The following WWOX variants were observed in gnomAD, a reference collection of about 807,000 sequenced individuals.
The protein encoded by WWOX is WW domain-containing oxidoreductase.
WWOX carries 69 observed loss-of-function variants against 46.2 expected under a neutral mutation model. That is an observed-to-expected ratio of 1.49 (90% CI 1.23 to 1.82). WWOX has a LOEUF of 1.82. WWOX is among the 40% of genes most tolerant of loss of function. WWOX has a pLI of 0.00. For synonymous variants in WWOX, 359 were observed against 202.6 expected, an observed-to-expected ratio of 1.77 and a Z score of -6.56; for missense variants, 919 against 542.6, an observed-to-expected ratio of 1.69 and a Z score of -6.89.
chr16:78,997,852 T>G (rs1025355128), intron 8 of WWOX, among the ~76,000 whole-genome samples: 1 of 152,186 alleles, frequency 6.6e-6, no homozygotes, highest in African/African-American at 2.4e-5. Context: ...CTGAATGTTT[T>G]GCAGCCTAAT....
At chr16:78,348,723 G>A (rs1471259048) in intron 5 of WWOX, among the ~76,000 whole-genome samples, 1 of 121,360 alleles carries the variant, frequency 8.2e-6, no homozygotes, top group African/African-American at 2.8e-5. Flanking sequence ...CTCCCAAAGT[G>A]CTAGGATTAC....
intron 8 of WWOX, among the ~76,000 whole-genome samples, chr16:78,649,234 C>T (rs1408387518): frequency 1.3e-5 from 2 of 152,202 alleles, no homozygotes; most frequent in African/African-American, 4.8e-5. Flanking sequence ...ATCCAACCGC[C>T]TCGGACTTCC....
chr16:78,898,580 G>T (rs893271702), intron 8 of WWOX: 2 of 152,044 alleles, frequency 1.3e-5, no homozygotes, highest in African/African-American at 2.4e-5. Flanking sequence ...TTTCAAGATT[G>T]TTTGGGTTAG....
At chr16:78,368,493 C>T (rs1011619019) in intron 5 of WWOX, among the ~76,000 whole-genome samples, 2 of 152,130 alleles carry the variant, frequency 1.3e-5, no homozygotes, top group African/African-American at 4.8e-5. Context: ...AGCTCTGGGC[C>T]ACCCCATAAG....
At chr16:78,425,600 C>G (rs778842581) in intron 7 of WWOX, among the ~76,000 whole-genome samples, 3 of 152,044 alleles carry the variant, frequency 2.0e-5, no homozygotes, top group African/African-American at 7.2e-5. Flanking sequence ...GCACTTTTTT[C>G]CTATTGCCAT....
At chr16:78,358,271 A>G (rs952578019) in intron 5 of WWOX, among the ~76,000 whole-genome samples, 3 of 152,228 alleles carry the variant, frequency 2.0e-5, no homozygotes, top group Admixed American at 6.5e-5. Flanking sequence ...TATGTTATAC[A>G]CTCACATACA....
chr16:79,152,902 G>A (rs1034065655), intron 8 of WWOX, among the ~76,000 whole-genome samples: 6 of 152,158 alleles, frequency 3.9e-5, no homozygotes, highest in Non-Finnish European at 8.8e-5. Context: ...GAAGAGCAGG[G>A]ATAGAAGTGG....
At chr16:78,358,652 C>T (rs919125176) in intron 5 of WWOX, among the ~76,000 whole-genome samples, 2 of 143,586 alleles carry the variant, frequency 1.4e-5, no homozygotes, top group African/African-American at 5.3e-5. Flanking sequence ...AGCAAGACTC[C>T]GTGTCAAAAA....
At chr16:78,852,300 G>C (rs182891212) in intron 8 of WWOX, among the ~76,000 whole-genome samples, 270 of 152,280 alleles carry the variant, frequency 1.8e-3, no homozygotes, top group Non-Finnish European at 3.1e-3. Flanking sequence ...ACCTACAGGG[G>C]GAAGTGATAG....
At chr16:78,791,594 A>C (rs2050601840) in intron 8 of WWOX, among the ~76,000 whole-genome samples, 1 of 152,034 alleles carries the variant, frequency 6.6e-6, no homozygotes, top group African/African-American at 2.4e-5. Context: ...GGCAAACAGA[A>C]GGGCTGGGTG....
intron 8 of WWOX, among the ~76,000 whole-genome samples, chr16:78,882,051 G>A (rs571481023): frequency 6.7e-5 from 10 of 149,834 alleles, no homozygotes; most frequent in East Asian, 4.0e-4. Flanking sequence ...GCTTGAGCCC[G>A]GGAGACGGAG....
At chr16:79,203,721 G>C (rs550212238) in intron 8 of WWOX, 3 of 152,272 alleles carry the variant, frequency 2.0e-5, no homozygotes, top group African/African-American at 7.2e-5. Flanking sequence ...GAAGGGAAGG[G>C]AGAAGCTGTT....
chr16:78,880,079 C>G (rs1052661988), intron 8 of WWOX, among the ~76,000 whole-genome samples: 1 of 152,108 alleles, frequency 6.6e-6, no homozygotes, highest in East Asian at 1.9e-4. Flanking sequence ...TTGATGATAC[C>G]GTATGCAACT....
chr16:78,181,374 T>G (rs1276128797), intron 5 of WWOX, among the ~76,000 whole-genome samples: 2 of 152,298 alleles, frequency 1.3e-5, no homozygotes, highest in African/African-American at 2.4e-5. Context: ...GAGCTATGAT[T>G]TGTTTTAATC....
intron 8 of WWOX, among the ~76,000 whole-genome samples, chr16:78,765,013 C>T (rs946653903): frequency 6.6e-6 from 1 of 152,182 alleles, no homozygotes; most frequent in Non-Finnish European, 1.5e-5. Context: ...CAGGAAGGAA[C>T]AGGACAAGAA....
At chr16:78,989,899 G>A (rs1187232132) in intron 8 of WWOX, among the ~76,000 whole-genome samples, 1 of 150,926 alleles carries the variant, frequency 6.6e-6, no homozygotes, top group East Asian at 1.9e-4. Flanking sequence ...AGAGGCGGGG[G>A]ATTCCAGGTA....
intron 8 of WWOX, among the ~76,000 whole-genome samples, chr16:79,127,171 A>T (rs1022534685): frequency 6.6e-6 from 1 of 152,140 alleles, no homozygotes; most frequent in Admixed American, 6.5e-5. Context: ...ACCTATGTGC[A>T]TATATAAAAT....
At chr16:78,454,146 T>A (rs754708586) in intron 8 of WWOX, among the ~76,000 whole-genome samples, 8 of 152,242 alleles carry the variant, frequency 5.3e-5, no homozygotes, top group Non-Finnish European at 8.8e-5. Context: ...AGGATTGGTC[T>A]CCGGGCATAC....
At chr16:78,788,579 G>C (rs1012476882) in intron 8 of WWOX, among the ~76,000 whole-genome samples, 2 of 152,212 alleles carry the variant, frequency 1.3e-5, no homozygotes, top group Admixed American at 1.3e-4. Flanking sequence ...TGCCTAGGAA[G>C]GGCTGGAAAG....
Sources: allele counts gnomAD v4.1 joint callset (sites outside exome capture counted in the v4.1 genomes callset), GRCh38; gene constraint gnomAD v4.1.1; transcripts MANE v1.5; gene names NCBI Gene and HGNC (gene_info 2026-07-23, HGNC 2026-07-21).